Variants in ELF2 observed in about 807,000 individuals in gnomAD.
ELF2 encodes the protein ETS-related transcription factor Elf-2.
Under a neutral mutation model 54.8 loss-of-function variants are expected in ELF2, and 11 were observed. The ratio of observed to expected loss-of-function variants is 0.20; its 90% CI spans 0.13 to 0.33. The LOEUF (loss-of-function observed/expected upper bound fraction) is 0.33, where lower values mean the gene tolerates loss of function less well. Among genes scored for constraint, ELF2 ranks in the 10% least tolerant of loss-of-function variants. The pLI, the probability that ELF2 is intolerant of heterozygous loss-of-function variation, is 1.00. For missense variants in ELF2, 513 were observed against 703.0 expected, an observed-to-expected ratio of 0.73 and a Z score of 3.06; for synonymous variants, 203 against 245.1, an observed-to-expected ratio of 0.83 and a Z score of 1.61.
chr4:139,115,148 G>C, intron 4 of ELF2: 2 of 1,613,348 alleles, frequency 1.2e-6, no homozygotes, highest in Non-Finnish European at 1.7e-6. Flanking sequence ...AGCTGCTCCA[G>C]GATCCACTCC....
intron 4 of ELF2, among the ~76,000 whole-genome samples, chr4:139,085,514 C>T (rs1731885071): frequency 6.6e-6 from 1 of 152,160 alleles, no homozygotes. Context: ...CTTATAAAAG[C>T]TTGCCCAACA....
At chr4:139,125,107 G>T (rs1736785689) in intron 4 of ELF2, 57 bp downstream of exon 4, 1 of 1,563,888 alleles carries the variant, frequency 6.4e-7, no homozygotes, top group Non-Finnish European at 8.6e-7. Flanking sequence ...CAATAGTATT[G>T]TTGAAGCTTA....
At chr4:139,113,294 G>T (rs1735172618) in intron 4 of ELF2, among the ~76,000 whole-genome samples, 1 of 152,148 alleles carries the variant, frequency 6.6e-6, no homozygotes, top group African/African-American at 2.4e-5. Flanking sequence ...GACAGTCAAG[G>T]CTCCAGTGAG....
chr4:139,086,858 A>G (rs374826834), intron 4 of ELF2, among the ~76,000 whole-genome samples: 6 of 152,306 alleles, frequency 3.9e-5, no homozygotes, highest in Middle Eastern at 3.4e-3. Context: ...ATAAGGCATA[A>G]ATTTTTAATA....
At chr4:139,155,921 C>G (rs895428373) in intron 1 of ELF2, among the ~76,000 whole-genome samples, 1 of 152,026 alleles carries the variant, frequency 6.6e-6, no homozygotes, top group African/African-American at 2.4e-5. Context: ...AAAAATGATG[C>G]TAGAAATTAA....
At chr4:139,146,634 C>A (rs185020364) in intron 1 of ELF2, among the ~76,000 whole-genome samples, 2 of 152,200 alleles carry the variant, frequency 1.3e-5, no homozygotes, top group Admixed American at 6.5e-5. Context: ...TTATACCAGG[C>A]TATAGTTAAC....
chr4:139,121,945 AGAG>A (rs1377678127), intron 4 of ELF2, among the ~76,000 whole-genome samples: 1 of 152,260 alleles, frequency 6.6e-6, no homozygotes, highest in Non-Finnish European at 1.5e-5. Context: ...TACTAACAAA[AGAG>A]AAATTCTTTT....
chr4:139,057,465 TGACA>T lies in ELF2; in HGVS notation c.*1514_*1517del, dbSNP rs1727210667. Reference sequence around the variant, plus strand: ...GTAGAAAGAGCATTAAGATATGGAGTGACAGACAGTAGTAAAATTACATAGTTTA... The same window carrying T: ...GTAGAAAGAGCATTAAGATATGGAGTGACAGTAGTAAAATTACATAGTTTA... On this transcript the variant is annotated 3_prime_UTR_variant, in exon 10 of 10. Coordinates refer to ENST00000686138, the MANE Select transcript of ELF2 (RefSeq NM_001331036.3). 1 of 152,264 alleles carries T rather than the reference TGACA, an allele frequency of 6.6e-6. No homozygotes were observed. The highest frequency in any genetic ancestry group is 2.1e-4 in the South Asian group (1 of 4,824). 9.4% of individuals were successfully genotyped at this position (152,264 alleles called of 1,614,324 possible). A position where few individuals can be genotyped will look rare whatever the true frequency, so the allele number is the denominator to read the frequency against.
chr4:139,100,376 T>C (rs1437169432), intron 4 of ELF2: 1 of 152,190 alleles, frequency 6.6e-6, no homozygotes. Context: ...TAAAAACTCC[T>C]GCCAGGCGCA....
chr4:139,157,114 C>A (rs1405506853), intron 1 of ELF2, among the ~76,000 whole-genome samples: 1 of 152,154 alleles, frequency 6.6e-6, no homozygotes, highest in Non-Finnish European at 1.5e-5. Context: ...AGCCTGCCTA[C>A]ACACCTAGGC....
chr4:139,073,059 T>C (rs1399205128), intron 5 of ELF2, among the ~76,000 whole-genome samples: 1 of 152,174 alleles, frequency 6.6e-6, no homozygotes, highest in Non-Finnish European at 1.5e-5. Context: ...CTCTCTACCA[T>C]GTGTGGTTCT....
In ELF2 at chr4:139,059,577, A is replaced by T. The variant is rs1416474163; in HGVS notation, c.1188T>A (p.Val396=). 1 of 1,612,666 alleles carries T rather than the reference A, an allele frequency of 6.2e-7. No homozygotes were observed. Among genetic ancestry groups the T allele is most frequent in the African/African-American group, 1.3e-5 (1 of 74,914 alleles). Residue 396 remains valine (V), a synonymous_variant, in exon 10 of 10, where the codon GTT becomes GTA. Coordinates refer to ENST00000686138, the MANE Select transcript of ELF2 (RefSeq NM_001331036.3). ...TTTTCTGACCCAATGATGTCATTAC[A>T]ACAGGTACCTGCATTGCCACACGAA... is the stretch of plus-strand genomic sequence containing the variant. ...RTVRVAMQVP[V]VMTSLGQKIS...
intron 1 of ELF2, among the ~76,000 whole-genome samples, chr4:139,169,673 C>T (rs1481272931): frequency 2.6e-5 from 4 of 151,834 alleles, no homozygotes; most frequent in African/African-American, 7.3e-5. Flanking sequence ...CTGGCTAACA[C>T]GGTGAAACCC....
At chr4:139,159,593 T>C (rs1740893213) in intron 1 of ELF2, among the ~76,000 whole-genome samples, 1 of 152,154 alleles carries the variant, frequency 6.6e-6, no homozygotes, top group South Asian at 2.1e-4. Flanking sequence ...AGCCATGGGA[T>C]CTGATGCCTT....
intron 4 of ELF2, among the ~76,000 whole-genome samples, chr4:139,113,685 T>C (rs1735220662): frequency 6.6e-6 from 1 of 151,706 alleles, no homozygotes; most frequent in Non-Finnish European, 1.5e-5. Flanking sequence ...TGAAAGCCCG[T>C]CTCTACTAAA....
chr4:139,152,573 C>T (rs1196856947), intron 1 of ELF2, among the ~76,000 whole-genome samples: 2 of 152,102 alleles, frequency 1.3e-5, no homozygotes, highest in African/African-American at 4.8e-5. Flanking sequence ...CCAAACAATT[C>T]TCCTGCCTCA....
intron 4 of ELF2, among the ~76,000 whole-genome samples, chr4:139,112,762 A>C (rs1735089249): frequency 6.6e-6 from 1 of 152,158 alleles, no homozygotes; most frequent in East Asian, 1.9e-4. Context: ...GGAGATGTAT[A>C]GCAAAATTAA....
intron 4 of ELF2, among the ~76,000 whole-genome samples, chr4:139,124,683 C>T (rs752522393): frequency 1.4e-4 from 21 of 152,062 alleles, no homozygotes; most frequent in African/African-American, 1.9e-4. Flanking sequence ...ATCTCTAAGA[C>T]GACAAAAAGC....
In ELF2 at chr4:139,060,332, T is replaced by C; in HGVS notation, c.1149A>G (p.Ala383=). The C allele has an allele frequency of 6.3e-7, 1 of 1,596,290 alleles. No individual in the cohort carries two copies. The highest frequency in any genetic ancestry group is 8.5e-7 in the Non-Finnish European group (1 of 1,171,468). The change falls in exon 9 of 10, where the codon GCA becomes GCG. Residue 383 remains alanine, a synonymous_variant. Coordinates refer to ENST00000686138, the MANE Select transcript of ELF2 (RefSeq NM_001331036.3). ...TGGTTTGCTTCACTTACCTTGGAGCTGCTGTTGCTGACACAGATGCAGTGG... is the reference window on the plus strand; with the variant it reads ...TGGTTTGCTTCACTTACCTTGGAGCCGCTGTTGCTGACACAGATGCAGTGG... The part of the protein sequence containing the change: ...PTTTASVSAT[A]APRTVRVAMQ...
Sources: gnomAD v4.1 joint callset for allele counts (sites outside exome capture counted in the v4.1 genomes callset) on GRCh38, gnomAD v4.1.1 for gene constraint, MANE v1.5 for transcripts, NCBI Gene and HGNC (gene_info 2026-07-23, HGNC 2026-07-21) for gene names.